YARS2: variants seen among roughly 807,000 people sequenced by gnomAD.
YARS2 encodes tyrosyl-tRNA synthetase 2, also known as tyrosine--tRNA ligase, mitochondrial.
In YARS2, 38 loss-of-function variants were observed where a neutral mutation model predicts 45.0. The ratio of observed to expected loss-of-function variants is 0.84; its 90% CI spans 0.65 to 1.11. YARS2 has a LOEUF of 1.11. YARS2 is among the 50% of genes least tolerant of loss of function. YARS2 has a pLI of 0.00. For synonymous variants in YARS2, 287 were observed against 245.1 expected (o/e 1.17, Z -1.60); for missense variants, 602 against 599.8 (o/e 1.00, Z -0.04).
Position 32,751,014 on chromosome 12 carries a change from A to C in YARS2, c.948-140T>G, listed in dbSNP as rs560502453. On this transcript the variant is annotated intron_variant, in intron 2 of 4. Transcript: ENST00000324868. Reference sequence around the variant, plus strand: ...AAATGTACTGAACATAGTAGGTCCCATGCACACATCACCCAGATTTAAGGT... The same window carrying C: ...AAATGTACTGAACATAGTAGGTCCCCTGCACACATCACCCAGATTTAAGGT... 4 of 922,242 alleles carry C rather than the reference A, an allele frequency of 4.3e-6. No individual in the cohort carries two copies. In the Admixed American group the frequency reaches 7.7e-5, roughly 18 times the overall value. 57.1% of individuals were successfully genotyped at this position (922,242 alleles called of 1,614,324 possible). A position where few individuals can be genotyped will look rare whatever the true frequency, so the allele number is the denominator to read the frequency against.
At chr12:32,750,955 C>A in intron 2 of YARS2, 81 bp from the exon 3 acceptor site, 1 of 1,514,470 alleles carries the variant, frequency 6.6e-7, no homozygotes, top group Non-Finnish European at 9.0e-7. Context: ...TTAAGGTTAT[C>A]CTGCTTACTT....
chr12:32,752,740 CAAAAAAA>C (rs56907654), intron 2 of YARS2: 3,674 of 195,450 alleles, frequency 0.019, 4 homozygotes, highest in Middle Eastern at 0.026. Context: ...GACACTGCCT[CAAAAAAA>C]AAAAAAAAAA....
Position 32,750,100 on chromosome 12 carries a change from G to C in YARS2, c.1111C>G (p.Gln371Glu), listed in dbSNP as rs1299462824. ...EGLDSAKRCTQALYHSSIDAL... is the reference protein window; with the variant it reads ...EGLDSAKRCTEALYHSSIDAL... ...TCTATGCTACTGTGATAAAGGGCTT[G>C]TGTACACCTGAAAAACACATTTTAA... The change falls in exon 4 of 5, where the codon CAA (glutamine) becomes GAA (glutamate). Residue 371 changes from glutamine to glutamate, a missense_variant. Transcript: ENST00000324868. The C allele has an allele frequency of 6.2e-7, 1 of 1,614,048 alleles. No individual in the cohort carries two copies. The highest frequency in any genetic ancestry group is 8.5e-7 in the Non-Finnish European group (1 of 1,179,996).
Position 32,747,340 on chromosome 12 carries a change from C to T in YARS2, c.1298G>A (p.Gly433Glu). 1 of 1,614,088 alleles carries T rather than the reference C, an allele frequency of 6.2e-7. No homozygotes were observed. Among genetic ancestry groups the T allele is most frequent in the South Asian group, 1.1e-5 (1 of 91,080 alleles). Residue 433 changes from glycine (G) to glutamate (E), a missense_variant, in exon 5 of 5, where the codon GGA (glycine) becomes GAA (glutamate). Coordinates refer to ENST00000324868, the MANE Select transcript of YARS2 (RefSeq NM_001040436.3). ...TACTTGTTGGTGATTTATGCTGACT[C>T]CGCCTTCTGTTATCATTCGATACCT... ...PRGYRMITEG[G>E]VSINHQQVTN... is the part of the protein sequence containing the mutation.
Position 32,754,094 on chromosome 12 carries a change from A to G in YARS2, c.780-9T>C. On this transcript the variant is annotated splice_polypyrimidine_tract_variant and intron_variant, in intron 1 of 4. Transcript: ENST00000324868. ...CATCTTCTCCAGTCAACCTACGCAT[A>G]AAGAACAATTTCATTATGTGCCTCA... 1 of 1,614,176 alleles carries G rather than the reference A, an allele frequency of 6.2e-7. No homozygotes were observed.
At chr12:32,750,582 G>T in intron 3 of YARS2, 137 bp downstream of exon 3, 1 of 1,074,906 alleles carries the variant, frequency 9.3e-7, no homozygotes, top group Non-Finnish European at 1.4e-6. Flanking sequence ...ATAAACAGGG[G>T]CTATTTTAAA....
chr12:32,752,444 AT>A lies in YARS2; in HGVS notation c.947+1473del, dbSNP rs567298470. Among the ~76,000 whole-genome samples the A allele has an allele frequency of 1.3e-4, 20 of 152,248 alleles. No individual in the cohort carries two copies. In the South Asian group the frequency reaches 3.3e-3, roughly 25 times the overall value. On this transcript the variant is annotated intron_variant, in intron 2 of 4. Transcript: ENST00000324868. Reference sequence around the variant, plus strand: ...ACACCAGAACCAGATAGAAAATGCAATTTTTGAAAAGATTATCTAAATTCTC... The same window carrying A: ...ACACCAGAACCAGATAGAAAATGCAATTTTGAAAAGATTATCTAAATTCTC...
rs772911193 is a variant in YARS2 at position 32,755,472 on chromosome 12, C to T, written c.403G>A (p.Glu135Lys). 4 of 1,612,212 alleles carry T rather than the reference C, an allele frequency of 2.5e-6. No homozygotes were observed. Among genetic ancestry groups the T allele is most frequent in the Admixed American group, 3.3e-5 (2 of 59,736 alleles). ...RTKEREALET[E>K]RVRANARALR... ...GCTCGCGCGTTGGCTCGCACGCGCT[C>T]TGTCTCCAGCGCCTCGCGTTCCTTG... The change falls in exon 1 of 5, where the codon GAG becomes AAG. Residue 135 changes from glutamate to lysine, a missense_variant. By Grantham distance (56) the Glu-to-Lys change is moderately conservative. Transcript: ENST00000324868.
At chr12:32,751,905 T>A (rs1955752075) in intron 2 of YARS2, among the ~76,000 whole-genome samples, 1 of 152,210 alleles carries the variant, frequency 6.6e-6, no homozygotes, top group Admixed American at 6.5e-5. Context: ...CCAACAGTGG[T>A]TCATAACATT....
chr12:32,753,203 G>T (rs186796299), intron 2 of YARS2, among the ~76,000 whole-genome samples: 1 of 152,166 alleles, frequency 6.6e-6, no homozygotes, highest in East Asian at 1.9e-4. Context: ...CTGAGCCTGG[G>T]AATTTCAGGC....
chr12:32,750,993 G>T, intron 2 of YARS2, 119 bp from the exon 3 acceptor site: 1 of 1,189,056 alleles, frequency 8.4e-7, no homozygotes, highest in Non-Finnish European at 1.2e-6. Flanking sequence ...ATACAGAAAT[G>T]TACTGAACAT....
chr12:32,754,818 G>A (rs192713311), intron 1 of YARS2, among the ~76,000 whole-genome samples: 2 of 150,874 alleles, frequency 1.3e-5, no homozygotes, highest in Admixed American at 1.3e-4. Context: ...GGGTTCAAGA[G>A]ATTCTCCTGC....
In YARS2 at chr12:32,755,861, A is replaced by G; in HGVS notation, c.14T>C (p.Ile5Thr). 1.9e-6 allele frequency: 3 copies of G among 1,613,192 alleles called. No homozygotes were observed. Among genetic ancestry groups the G allele is most frequent in the East Asian group, 2.2e-5 (1 of 44,880 alleles). ...CCGGCCCCAGGAAAAGGACCGCAAG[A>G]TGGGCGCCGCCATCTTGGTAGCGGC... Reference protein sequence around the residue: MAAPILRSFSWGRWS... With the variant: MAAPTLRSFSWGRWS... The change falls in exon 1 of 5, where the codon ATC (isoleucine) becomes ACC (threonine). Residue 5 changes from isoleucine (I) to threonine (T), a missense_variant. Physicochemically the swap from Ile to Thr is moderately conservative, Grantham distance 89 (BLOSUM62 -1). Transcript: ENST00000324868.
chr12:32,747,499 T>C, intron 4 of YARS2, 136 bp from the exon 5 acceptor site: 1 of 852,144 alleles, frequency 1.2e-6, no homozygotes, highest in Non-Finnish European at 1.9e-6. Flanking sequence ...GTTACCTTCA[T>C]GTTTGCTCTA....
chr12:32,755,469 GCT>G lies in YARS2; in HGVS notation c.404_405del (p.Glu135AlafsTer14), dbSNP rs766944876. ...RTKEREALET[E>X]RVRANARALR... ...AGAGCTCGCGCGTTGGCTCGCACGC[GCT>G]CTGTCTCCAGCGCCTCGCGTTCCTT... is the stretch of plus-strand genomic sequence containing the variant. On this transcript the variant is annotated frameshift_variant, in exon 1 of 5. Transcript: ENST00000324868. LOFTEE classifies it high-confidence loss of function. The G allele has an allele frequency of 3.1e-6, 5 of 1,612,404 alleles. No individual in the cohort carries two copies. The highest frequency in any genetic ancestry group is 1.1e-5 in the South Asian group (1 of 91,042).
Position 32,747,167 on chromosome 12 carries a change from T to TG in YARS2, c.*36dup, listed in dbSNP as rs1565555870. 3 of 1,608,016 alleles carry TG rather than the reference T, an allele frequency of 1.9e-6. No homozygotes were observed. The highest frequency in any genetic ancestry group is 3.3e-5 in the Admixed American group (2 of 59,950). On this transcript the variant is annotated 3_prime_UTR_variant, in exon 5 of 5. Transcript: ENST00000324868. ...CTTCAGAGGTCTTGAGAATGAATGA[T>TG]GGGTAAGTTTATTTGGACAACCAGA...
intron 1 of YARS2, 26 bp from the exon 2 acceptor site, chr12:32,754,111 T>C (rs777014622): frequency 1.1e-5 from 18 of 1,613,938 alleles, no homozygotes; most frequent in Non-Finnish European, 1.5e-5. Context: ...AATTTCATTA[T>C]GTGCCTCAAG....
intron 4 of YARS2, 26 bp from the exon 5 acceptor site, chr12:32,747,389 TAGAG>T (rs778766865): frequency 2.5e-6 from 4 of 1,611,166 alleles, no homozygotes; most frequent in African/African-American, 1.3e-5. Flanking sequence ...GTTTAGTAAG[TAGAG>T]AGATCCAATC....
Position 32,755,777 on chromosome 12 carries a change from G to T in YARS2, c.98C>A (p.Ser33Ter), listed in dbSNP as rs748941040. ...CGCTGCCAGTAACCCCTGAGCGCCC[G>T]AGTGGGCCTTACGCAGCCCCAAGGG... ...LLPLGLRKAH[S>*]GAQGLLAAQK... Residue 33 changes from serine to a stop codon, truncating the protein, a stop_gained, in exon 1 of 5, where the codon TCG becomes TAG. Coordinates refer to ENST00000324868, the MANE Select transcript of YARS2 (RefSeq NM_001040436.3). LOFTEE classifies it high-confidence loss of function. 7.4e-5 allele frequency: 119 copies of T among 1,613,780 alleles called. No homozygotes were observed. The highest frequency in any genetic ancestry group is 9.0e-5 in the Non-Finnish European group (106 of 1,179,994).
Sources: gnomAD v4.1 joint callset for allele counts (sites outside exome capture counted in the v4.1 genomes callset) on GRCh38, gnomAD v4.1.1 for gene constraint, MANE v1.5 for transcripts, NCBI Gene and HGNC (gene_info 2026-07-23, HGNC 2026-07-21) for gene names.